The following FBXO24 variants were observed in gnomAD, a reference collection of about 807,000 sequenced individuals.
The protein encoded by FBXO24 is F-box protein 24, also known as F-box only protein 24.
A neutral mutation model predicts 63.5 loss-of-function variants in FBXO24; 30 were observed. The observed-to-expected ratio is 0.47, with a 90% CI of 0.35 to 0.64. The LOEUF (loss-of-function observed/expected upper bound fraction) is 0.64. FBXO24 is among the 30% of genes least tolerant of loss of function. FBXO24 has a pLI of 0.00. For missense variants in FBXO24, 624 were observed against 763.4 expected (o/e 0.82, Z 2.15); for synonymous variants, 300 against 305.0 (o/e 0.98, Z 0.17).
chr7:100,590,474 T>A lies in FBXO24; in HGVS notation c.322+117T>A, dbSNP rs1801962841. ...CAACAGTGCTTCCAGGGCCCCTTTC[T>A]CCGGAAGAAACGGGTCCAGTTCAAA... On this transcript the variant is annotated intron_variant, in intron 3 of 9. Transcript: ENST00000241071. 4.6e-6 allele frequency: 5 copies of A among 1,092,878 alleles called. No homozygotes were observed. The South Asian group carries it at 8.3e-5, about 18-fold the overall frequency. 67.7% of individuals were successfully genotyped at this position (1,092,878 alleles called of 1,614,324 possible).
At chr7:100,595,851 A>C in intron 8 of FBXO24, 145 bp downstream of exon 8, 1 of 1,145,308 alleles carries the variant, frequency 8.7e-7, no homozygotes, top group Non-Finnish European at 1.2e-6. Flanking sequence ...TGCCAGTGGT[A>C]CTACCCCATG....
intron 8 of FBXO24, among the ~76,000 whole-genome samples, chr7:100,597,357 T>C (rs1802360400): frequency 6.6e-6 from 1 of 152,210 alleles, no homozygotes; most frequent in African/African-American, 2.4e-5. Flanking sequence ...TGAAAAAGAC[T>C]TTTATGAAAT....
chr7:100,598,859 G>T (rs745800628), intron 8 of FBXO24, among the ~76,000 whole-genome samples: 1 of 151,910 alleles, frequency 6.6e-6, no homozygotes, highest in Non-Finnish European at 1.5e-5. Context: ...TGCACCCATA[G>T]TCCCAGCTAC....
rs748004423 is a variant in FBXO24, at chr7:100,592,781, A to C, written c.559-2A>C. 1.9e-6 allele frequency: 3 copies of C among 1,612,466 alleles called. No individual in the cohort carries two copies. In the East Asian group the frequency reaches 6.7e-5, roughly 36 times the overall value. On this transcript the variant is annotated splice_acceptor_variant, in intron 4 of 9. Transcript: ENST00000241071. LOFTEE classifies it high-confidence loss of function. ...CCCAGACGCCCTCATCTTTTCCCCC[A>C]GTTTGCCTCGGACCCAAGGTGTGAC... is the stretch of plus-strand genomic sequence containing the variant.
rs1490578228 is a variant in FBXO24 at position 100,592,922 on chromosome 7, A to G, written c.698A>G (p.Gln233Arg). The G allele has an allele frequency of 6.2e-7, 1 of 1,614,206 alleles. No individual in the cohort carries two copies. The highest frequency in any genetic ancestry group is 8.5e-7 in the Non-Finnish European group (1 of 1,180,044). Reference sequence around the variant, plus strand: ...GAGGTCTATCTGCAGTCTAGTGGGCAGCGGGTCTTCAAGATGACATTCCAC... The same window carrying G: ...GAGGTCTATCTGCAGTCTAGTGGGCGGCGGGTCTTCAAGATGACATTCCAC... ...CVEVYLQSSG[Q>R]RVFKMTFHHS... Residue 233 changes from glutamine to arginine, a missense_variant, in exon 5 of 10, where the codon CAG (glutamine) becomes CGG (arginine). Physicochemically the swap from Gln to Arg is conservative, Grantham distance 43. Coordinates refer to ENST00000241071, the MANE Select transcript of FBXO24 (RefSeq NM_033506.3).
chr7:100,590,143 G>A, intron 2 of FBXO24, 31 bp from the exon 3 acceptor site: 2 of 1,609,248 alleles, frequency 1.2e-6, no homozygotes, highest in Non-Finnish European at 1.7e-6. Context: ...GGCCACCAAA[G>A]ACTCCCCGCT....
At position 100,600,341 on chromosome 7, in the gene FBXO24, G is replaced by T; in HGVS notation, c.1377+140G>T. The T allele has an allele frequency of 1.5e-6, 2 of 1,351,950 alleles. No homozygotes were observed. Among genetic ancestry groups the T allele is most frequent in the Middle Eastern group, 2.3e-4 (1 of 4,404 alleles). The allele number at this position is 1,351,950 out of a possible 1,614,324, so 83.7% of individuals were successfully genotyped here. On this transcript the variant is annotated intron_variant, in intron 9 of 9. Coordinates refer to ENST00000241071, the MANE Select transcript of FBXO24 (RefSeq NM_033506.3). The surrounding 1 kb of genome is among the most constrained non-coding windows in gnomAD (Gnocchi z 6.3). The stretch of plus-strand genomic sequence containing the variant: ...CACCACCCCACCTCCCTCCTCTGCC[G>T]CACACCACGCTCTCTGCTTTCTCCC...
At position 100,589,884 on chromosome 7, in the gene FBXO24, C is replaced by T. The variant is rs867844625; in HGVS notation, c.40-93C>T. 3.2e-6 allele frequency: 5 copies of T among 1,553,958 alleles called. 1 individual carries two copies. The Middle Eastern group carries it at 5.2e-4, about 163-fold the overall frequency. ...AGAGAGGGGAGGAAATAACTGTGCC[C>T]AGCTAGAGTCAGATGAGCCCCAAGG... On this transcript the variant is annotated intron_variant, in intron 1 of 9. Coordinates refer to ENST00000241071, the MANE Select transcript of FBXO24 (RefSeq NM_033506.3).
At position 100,590,044 on chromosome 7, in the gene FBXO24, C is replaced by G; in HGVS notation, c.107C>G (p.Pro36Arg). ...GAAGAGAAGAGGGGGAAAGGAAATC[C>G]GATTTCCATCCAGTTGTTCCCCCCA... ...GVEEKRGKGN[P>R]ISIQLFPPEL... Residue 36 changes from proline (P) to arginine (R), a missense_variant, in exon 2 of 10, where the codon CCG becomes CGG. Coordinates refer to ENST00000241071, the MANE Select transcript of FBXO24 (RefSeq NM_033506.3). 6.2e-7 allele frequency: 1 copy of G among 1,613,478 alleles called. No individual in the cohort carries two copies. The highest frequency in any genetic ancestry group is 8.5e-7 in the Non-Finnish European group (1 of 1,179,824).
intron 7 of FBXO24, 116 bp from the exon 8 acceptor site, chr7:100,595,459 T>G: frequency 7.7e-7 from 1 of 1,298,206 alleles, no homozygotes; most frequent in Non-Finnish European, 1.0e-6. Context: ...ATCTCTAAAA[T>G]ATATATATAG....
In FBXO24 at chr7:100,586,473, AG is replaced by A; in HGVS notation, c.-150del. On this transcript the variant is annotated 5_prime_UTR_variant, in exon 1 of 10. It removes the in-frame stop codon of an upstream open reading frame in the 5' UTR. Transcript: ENST00000241071. ...ACTCCACTAGCAGGAAAACGGGCCG[AG>A]GGACCGCAAGCAGGGGGTGCCTAGT... 1 of 786,718 alleles carries A rather than the reference AG, an allele frequency of 1.3e-6. No individual in the cohort carries two copies. Among genetic ancestry groups the A allele is most frequent in the Non-Finnish European group, 2.1e-6 (1 of 469,604 alleles). 48.7% of individuals were successfully genotyped at this position (786,718 alleles called of 1,614,324 possible). A position where few individuals can be genotyped will look rare whatever the true frequency, so the allele number is the denominator to read the frequency against.
At chr7:100,592,701 C>T (rs1802089479) in intron 4 of FBXO24, 82 bp from the exon 5 acceptor site, 2 of 1,102,356 alleles carry the variant, frequency 1.8e-6, no homozygotes, top group Non-Finnish European at 2.7e-6. Context: ...AAGCATTTCA[C>T]TTCCCACCCC....
rs988435564 is a variant in FBXO24, at chr7:100,591,998, C to T, written c.558+96C>T. 6 of 1,222,366 alleles carry T rather than the reference C, an allele frequency of 4.9e-6. No individual in the cohort carries two copies. In the East Asian group the frequency reaches 1.2e-4, roughly 24 times the overall value. 75.7% of individuals were successfully genotyped at this position (1,222,366 alleles called of 1,614,324 possible). A position where few individuals can be genotyped will look rare whatever the true frequency, so the allele number is the denominator to read the frequency against. On this transcript the variant is annotated intron_variant, in intron 4 of 9. Transcript: ENST00000241071. ...ACCAGAGGCCGGGTGCAGTGGCTTA[C>T]ACCTGTAATCCTAGCACTTTGGGAG...
At chr7:100,587,296 T>G (rs1484303629) in intron 1 of FBXO24, among the ~76,000 whole-genome samples, 1 of 151,988 alleles carries the variant, frequency 6.6e-6, no homozygotes, top group South Asian at 2.1e-4. Flanking sequence ...TCCGTTCCCT[T>G]CCTCTTTTTA....
Position 100,600,963 on chromosome 7 carries a change from C to T in FBXO24, c.*64C>T. 1 of 1,556,176 alleles carries T rather than the reference C, an allele frequency of 6.4e-7. No homozygotes were observed. The highest frequency in any genetic ancestry group is 8.7e-7 in the Non-Finnish European group (1 of 1,155,958). On this transcript the variant is annotated 3_prime_UTR_variant, in exon 10 of 10. Transcript: ENST00000241071. This position sits in a 1 kb window ranked among gnomAD's most constrained non-coding sequence, Gnocchi z 6.3. ...CGGCCCCAGGCCAGGGACTAAGGAG[C>T]AATGACCATTGTGCACATGCGTGTG...
chr7:100,595,712 A>G lies in FBXO24; in HGVS notation c.1206+6A>G. ...ACCGAGGGGAACCCACACAGGTGAG[A>G]CTATTTCCCAGCAACTCTCATCCCA... On this transcript the variant is annotated splice_donor_region_variant and intron_variant, in intron 8 of 9. Transcript: ENST00000241071. 6.3e-7 allele frequency: 1 copy of G among 1,587,918 alleles called. No homozygotes were observed. The highest frequency in any genetic ancestry group is 8.6e-7 in the Non-Finnish European group (1 of 1,162,960).
At chr7:100,595,765 C>T (rs1197532268) in intron 8 of FBXO24, 59 bp downstream of exon 8, 1 of 1,512,458 alleles carries the variant, frequency 6.6e-7, no homozygotes, top group Non-Finnish European at 8.9e-7. Flanking sequence ...CCCTAACCCC[C>T]AGATCTGTCC....
chr7:100,592,935 G>A lies in FBXO24; in HGVS notation c.711G>A (p.Lys237=). The A allele has an allele frequency of 1.2e-6, 2 of 1,614,226 alleles. No individual in the cohort carries two copies. Among genetic ancestry groups the A allele is most frequent in the Non-Finnish European group, 8.5e-7 (1 of 1,180,056 alleles). Residue 237 remains lysine, a synonymous_variant, in exon 5 of 10, where the codon AAG becomes AAA. Transcript: ENST00000241071. ...AGTCTAGTGGGCAGCGGGTCTTCAA[G>A]ATGACATTCCACCACTCAATGACCT... ...YLQSSGQRVF[K]MTFHHSMTFK...
At chr7:100,590,583 TACACAGAC>T (rs1801968444) in intron 3 of FBXO24, among the ~76,000 whole-genome samples, 1 of 152,200 alleles carries the variant, frequency 6.6e-6, no homozygotes, top group Non-Finnish European at 1.5e-5. Context: ...TCTCCCTCTG[TACACAGAC>T]ACTTCCCGCT....
Sources: gnomAD v4.1 joint callset for allele counts (sites outside exome capture counted in the v4.1 genomes callset) on GRCh38, gnomAD v4.1.1 for gene constraint, Gnocchi (gnomAD v3.1) non-coding constraint, MANE v1.5 for transcripts, NCBI Gene and HGNC (gene_info 2026-07-23, HGNC 2026-07-21) for gene names.